NARS1: variants seen among roughly 807,000 people sequenced by gnomAD.
NARS1 encodes asparaginyl-tRNA synthetase 1, also known as asparagine--tRNA ligase, cytoplasmic.
Under a neutral mutation model 79.2 loss-of-function variants are expected in NARS1, and 65 were observed. That is an observed-to-expected ratio of 0.82 (90% confidence interval 0.67 to 1.01). The LOEUF is 1.01. Ranked by LOEUF, NARS1 falls within the 50% of genes least tolerant of loss-of-function variation. The probability of loss-of-function intolerance (pLI) is 0.00; values close to 1 mark genes in which losing one functional copy is unlikely to be tolerated. For synonymous variants in NARS1, 229 were observed against 238.8 expected (o/e 0.96, Z 0.38); for missense variants, 649 against 673.8 (o/e 0.96, Z 0.41).
chr18:57,606,532 A>C (rs1381398739), intron 10 of NARS1, 84 bp downstream of exon 10: 1 of 1,385,148 alleles, frequency 7.2e-7, no homozygotes, highest in Non-Finnish European at 9.9e-7. Context: ...CCAAGCCATC[A>C]AATCTACAAA....
At chr18:57,619,441 G>C (rs913790253) in intron 2 of NARS1, among the ~76,000 whole-genome samples, 1 of 151,284 alleles carries the variant, frequency 6.6e-6, no homozygotes, top group Non-Finnish European at 1.5e-5. Flanking sequence ...ATGTTGCCCA[G>C]GCTGTTCTCA....
chr18:57,609,540 G>A, intron 6 of NARS1, 97 bp from the exon 7 acceptor site: 1 of 857,244 alleles, frequency 1.2e-6, no homozygotes, highest in Non-Finnish European at 1.9e-6. Context: ...CAAGTTATCT[G>A]ATCAAATACT....
intron 11 of NARS1, among the ~76,000 whole-genome samples, chr18:57,603,853 G>A (rs574953400): frequency 9.4e-6 from 1 of 106,450 alleles, no homozygotes; most frequent in South Asian, 2.9e-4. Flanking sequence ...GCGGGGTTCT[G>A]CATAAGATTT....
chr18:57,602,870 A>C lies in NARS1; in HGVS notation c.1325T>G (p.Val442Gly), dbSNP rs754885919. 5.0e-6 allele frequency: 8 copies of C among 1,613,786 alleles called. No homozygotes were observed. The African/African-American group carries it at 1.1e-4, about 22-fold the overall frequency. ...CTGCATGTAGAAGGACTTGATCTCC[A>C]CAGGAAATCGACACAGCAAGATTGG... ...NEPILLCRFP[V>G]EIKSFYMQRC... Residue 442 changes from valine (V) to glycine (G), a missense_variant, in exon 12 of 14, where the codon GTG becomes GGG. Physicochemically the swap from Val to Gly is moderately radical, Grantham distance 109 (BLOSUM62 -3). Transcript: ENST00000256854.
rs2051606563 is a variant in NARS1, at chr18:57,611,720, AAAT to A, written c.422-16_422-14del. 1 of 1,531,174 alleles carries A rather than the reference AAAT, an allele frequency of 6.5e-7. No individual in the cohort carries two copies. The highest frequency in any genetic ancestry group is 8.9e-7 in the Non-Finnish European group (1 of 1,123,108). 94.8% of individuals were successfully genotyped at this position (1,531,174 alleles called of 1,614,324 possible). A position where few individuals can be genotyped will look rare whatever the true frequency, so the allele number is the denominator to read the frequency against. ...ATTAAATTCTTTCCTAAAAAATGAG[AAAT>A]AATAATTTAGGCAGACTGTTCTCAA... On this transcript the variant is annotated splice_polypyrimidine_tract_variant and intron_variant, in intron 5 of 13. Transcript: ENST00000256854.
chr18:57,620,760 A>C, intron 1 of NARS1, 109 bp from the exon 2 acceptor site: 1 of 598,922 alleles, frequency 1.7e-6, no homozygotes. Flanking sequence ...GATTAATAAA[A>C]ATTGAGGTCC....
chr18:57,602,329 T>C (rs765639569), intron 13 of NARS1, 26 bp downstream of exon 13: 1 of 1,603,588 alleles, frequency 6.2e-7, no homozygotes, highest in Admixed American at 1.7e-5. Context: ...GAAAAAAATG[T>C]TGAGTACTTA....
intron 11 of NARS1, among the ~76,000 whole-genome samples, chr18:57,604,781 T>C (rs553918239): frequency 6.8e-4 from 103 of 152,204 alleles, no homozygotes; most frequent in Non-Finnish European, 1.3e-3. Flanking sequence ...CCCAGCACTT[T>C]TGGAGGCTGA....
intron 7 of NARS1, among the ~76,000 whole-genome samples, chr18:57,608,057 G>A (rs1239531136): frequency 1.3e-5 from 2 of 151,744 alleles, no homozygotes; most frequent in Non-Finnish European, 2.9e-5. Context: ...TAGTAGAGAC[G>A]GGGTTTCACC....
Position 57,601,794 on chromosome 18 carries a change from A to C in NARS1, c.1516-11T>G. On this transcript the variant is annotated splice_polypyrimidine_tract_variant and intron_variant, in intron 13 of 13. Coordinates refer to ENST00000256854, the MANE Select transcript of NARS1 (RefSeq NM_004539.4). ...TGTACCGTATTTTCTCTGTTTAAAA[A>C]AAGAAAGAAAGAAAGAGGAGTAAAT... is the stretch of plus-strand genomic sequence containing the variant. The C allele has an allele frequency of 6.3e-7, 1 of 1,584,580 alleles. No individual in the cohort carries two copies. Among genetic ancestry groups the C allele is most frequent in the Non-Finnish European group, 8.6e-7 (1 of 1,159,314 alleles).
chr18:57,621,743 A>C lies in NARS1; in HGVS notation c.-26T>G. The C allele has an allele frequency of 6.2e-7, 1 of 1,613,952 alleles. No individual in the cohort carries two copies. Among genetic ancestry groups the C allele is most frequent in the Non-Finnish European group, 8.5e-7 (1 of 1,180,024 alleles). On this transcript the variant is annotated 5_prime_UTR_variant, in exon 1 of 14. Transcript: ENST00000256854. ...GCCTGCAGTGGCCCTGGTCACCTCC[A>C]AGGACACAGACTGCAACACCGACGC... is the stretch of plus-strand genomic sequence containing the variant.
At position 57,605,134 on chromosome 18, in the gene NARS1, A is replaced by AAAATAT. The variant is rs536569272; in HGVS notation, c.1251+722_1251+723insATATTT. 6.9e-3 allele frequency among the ~76,000 whole-genome samples: 933 copies of AAAATAT among 135,110 alleles called. 5 individuals are homozygous for AAAATAT. The highest frequency in any genetic ancestry group is 0.015 in the Middle Eastern group (4 of 262). 88.6% of individuals were successfully genotyped at this position (135,110 alleles called of 152,430 possible). On this transcript the variant is annotated intron_variant, in intron 11 of 13. Transcript: ENST00000256854. ...ATACATTCTCCAGAAAAAAAAAAAA[A>AAAATAT]ATATATATATATATATATATCTATA...
In NARS1 at chr18:57,615,963, C is replaced by T; in HGVS notation, c.106G>A (p.Val36Ile). 1.2e-6 allele frequency: 2 copies of T among 1,607,136 alleles called. No homozygotes were observed. The highest frequency in any genetic ancestry group is 1.7e-6 in the Non-Finnish European group (2 of 1,177,388). The change falls in exon 3 of 14, where the codon GTA (valine) becomes ATA (isoleucine). Residue 36 changes from valine (V) to isoleucine (I), a missense_variant. Coordinates refer to ENST00000256854, the MANE Select transcript of NARS1 (RefSeq NM_004539.4). ...ATGGTAGGAAATGGTTCTTTCCCTA[C>T]TGTCATCAAAGCCTTGGGTAGGGAG... ...FKTGLKALMT[V>I]GKEPFPTIYV...
At chr18:57,606,927 T>A (rs2298646) in intron 9 of NARS1, 176 bp from the exon 10 acceptor site, 7 of 921,662 alleles carry the variant, frequency 7.6e-6, no homozygotes, top group Admixed American at 2.9e-5. Context: ...TCTTGTTTGC[T>A]CCTTTATATA....
intron 6 of NARS1, among the ~76,000 whole-genome samples, chr18:57,610,033 G>C (rs1033148611): frequency 6.6e-6 from 1 of 152,020 alleles, no homozygotes; most frequent in Non-Finnish European, 1.5e-5. Flanking sequence ...GAAACCCTGT[G>C]TCTCAAAACA....
Position 57,621,690 on chromosome 18 carries a change from A to G in NARS1, c.10+18T>C, listed in dbSNP as rs1264198121. On this transcript the variant is annotated intron_variant, in intron 1 of 13. Transcript: ENST00000256854. The stretch of plus-strand genomic sequence containing the variant: ...CCCCAGGCAGGGAACACCGCGCCAT[A>G]CACTGAGTCTCACCCACCTAGCACC... The G allele has an allele frequency of 5.0e-6, 8 of 1,611,148 alleles. No individual in the cohort carries two copies. Among genetic ancestry groups the G allele is most frequent in the Non-Finnish European group, 5.9e-6 (7 of 1,177,710 alleles).
At chr18:57,613,512 A>T (rs2051622419) in intron 5 of NARS1, 90 bp downstream of exon 5, 1 of 1,206,858 alleles carries the variant, frequency 8.3e-7, no homozygotes, top group African/African-American at 1.5e-5. Flanking sequence ...GGGGGAGAGA[A>T]AAAAACCCCT....
In NARS1 at chr18:57,618,306, AGAT is replaced by A. The variant is rs1433292320; in HGVS notation, c.93+2260_93+2262del. Among the ~76,000 whole-genome samples the A allele has an allele frequency of 4.6e-5, 7 of 150,956 alleles. No individual in the cohort carries two copies. The South Asian group carries it at 1.3e-3, about 27-fold the overall frequency. ...CTCTGTCTCAAAAAAAAAAAAAAAA[AGAT>A]AGCCATTGATGAAAATGCAAAACCA... On this transcript the variant is annotated intron_variant, in intron 2 of 13. Coordinates refer to ENST00000256854, the MANE Select transcript of NARS1 (RefSeq NM_004539.4).
chr18:57,602,105 AG>A (rs1266092276), intron 13 of NARS1, among the ~76,000 whole-genome samples: 2 of 152,232 alleles, frequency 1.3e-5, no homozygotes, highest in East Asian at 3.8e-4. Context: ...AGATACTGGT[AG>A]GATCAATTTT....
Sources: gnomAD v4.1 joint callset for allele counts (sites outside exome capture counted in the v4.1 genomes callset) on GRCh38, gnomAD v4.1.1 for gene constraint, MANE v1.5 for transcripts, NCBI Gene and HGNC (gene_info 2026-07-23, HGNC 2026-07-21) for gene names.